The following LRRTM4 variants were observed in gnomAD, a reference collection of about 807,000 sequenced individuals.
LRRTM4 encodes the protein leucine rich repeat transmembrane neuronal 4, also known as leucine-rich repeat transmembrane neuronal protein 4.
In LRRTM4, 25 loss-of-function variants were observed where a neutral mutation model predicts 47.6. The ratio of observed to expected loss-of-function variants is 0.53; its 90% CI spans 0.38 to 0.73. The LOEUF (loss-of-function observed/expected upper bound fraction) is 0.73. LRRTM4 is among the 30% of genes least tolerant of loss of function. The pLI is 0.00. For synonymous variants in LRRTM4, 311 were observed against 269.5 expected (o/e 1.15, Z -1.51); for missense variants, 638 against 713.4 (o/e 0.89, Z 1.20).
intron 3 of LRRTM4, among the ~76,000 whole-genome samples, chr2:76,903,643 G>C (rs976007056): frequency 1.3e-5 from 2 of 152,152 alleles, no homozygotes; most frequent in Non-Finnish European, 2.9e-5. Flanking sequence ...TTATTATCTA[G>C]AGAAATTAGG....
At chr2:77,272,422 A>AAAGCAGCATC (rs1676224962) in intron 3 of LRRTM4, among the ~76,000 whole-genome samples, 1 of 152,208 alleles carries the variant, frequency 6.6e-6, no homozygotes, top group African/African-American at 2.4e-5. Flanking sequence ...GGGAGAAGGG[A>AAAGCAGCATC]AAGCAGCATC....
chr2:77,317,458 A>G (rs1041797944), intron 3 of LRRTM4, among the ~76,000 whole-genome samples: 5 of 152,166 alleles, frequency 3.3e-5, no homozygotes, highest in African/African-American at 7.2e-5. Flanking sequence ...CTTTATTCCT[A>G]TGAACTTTCA....
intron 3 of LRRTM4, among the ~76,000 whole-genome samples, chr2:76,765,382 A>G (rs1432751129): frequency 6.6e-6 from 1 of 152,190 alleles, no homozygotes. Flanking sequence ...CTTGGATGAA[A>G]TAAATTTATT....
At chr2:76,958,067 A>G (rs959920021) in intron 3 of LRRTM4, among the ~76,000 whole-genome samples, 1 of 151,762 alleles carries the variant, frequency 6.6e-6, no homozygotes, top group Admixed American at 6.6e-5. Context: ...AACACTTGAC[A>G]TGAATCACAT....
chr2:77,133,656 C>T (rs528655149), intron 3 of LRRTM4, among the ~76,000 whole-genome samples: 13 of 152,172 alleles, frequency 8.5e-5, no homozygotes, highest in Admixed American at 5.2e-4. Flanking sequence ...AATTATATTT[C>T]GATGTTGGAT....
intron 3 of LRRTM4, among the ~76,000 whole-genome samples, chr2:77,315,670 G>A (rs1164865312): frequency 1.3e-5 from 2 of 151,972 alleles, no homozygotes; most frequent in Non-Finnish European, 2.9e-5. Flanking sequence ...GGTTGGGGGT[G>A]GTAAGAGCAA....
At chr2:77,045,086 G>A (rs551928806) in intron 3 of LRRTM4, among the ~76,000 whole-genome samples, 14 of 151,850 alleles carry the variant, frequency 9.2e-5, no homozygotes, top group Non-Finnish European at 1.9e-4. Flanking sequence ...AGGTAATATG[G>A]TATTTTTAGC....
intron 3 of LRRTM4, among the ~76,000 whole-genome samples, chr2:77,399,704 C>A (rs908800004): frequency 1.3e-5 from 2 of 151,868 alleles, no homozygotes; most frequent in Non-Finnish European, 2.9e-5. Flanking sequence ...CAGGAGGAAT[C>A]AAACACCTAA....
intron 3 of LRRTM4, among the ~76,000 whole-genome samples, chr2:76,919,891 T>C (rs1345512467): frequency 6.6e-6 from 1 of 152,186 alleles, no homozygotes; most frequent in Non-Finnish European, 1.5e-5. Context: ...TCTCCAACTT[T>C]AAACAGATGC....
intron 3 of LRRTM4, among the ~76,000 whole-genome samples, chr2:77,148,121 A>T (rs544423869): frequency 6.6e-6 from 1 of 152,192 alleles, no homozygotes; most frequent in South Asian, 2.1e-4. Flanking sequence ...CCCAACTCAT[A>T]CCCTCCTCTC....
intron 3 of LRRTM4, among the ~76,000 whole-genome samples, chr2:77,276,955 A>T (rs1032058809): frequency 6.6e-6 from 1 of 151,738 alleles, no homozygotes; most frequent in East Asian, 1.9e-4. Context: ...TAAGTGTATT[A>T]GCTGCCTTAT....
intron 3 of LRRTM4, among the ~76,000 whole-genome samples, chr2:77,151,613 T>G (rs1268586079): frequency 6.6e-6 from 1 of 152,208 alleles, no homozygotes; most frequent in African/African-American, 2.4e-5. Flanking sequence ...AGGAAAATCC[T>G]GCTGTTTGCG....
chr2:77,198,167 G>A (rs563575754), intron 3 of LRRTM4, among the ~76,000 whole-genome samples: 2 of 152,276 alleles, frequency 1.3e-5, no homozygotes, highest in African/African-American at 4.8e-5. Context: ...GACCTTGGGC[G>A]ACTGAGGTTT....
At chr2:76,963,375 G>A (rs1675924107) in intron 3 of LRRTM4, among the ~76,000 whole-genome samples, 1 of 150,676 alleles carries the variant, frequency 6.6e-6, no homozygotes, top group Admixed American at 6.6e-5. Context: ...TTAGAAAAAA[G>A]TAAAGGAAAA....
chr2:77,148,620 A>G (rs1458729047), intron 3 of LRRTM4, among the ~76,000 whole-genome samples: 1 of 152,172 alleles, frequency 6.6e-6, no homozygotes, highest in Non-Finnish European at 1.5e-5. Context: ...ATGCCAGAGA[A>G]CAGGAGGGGA....
chr2:77,188,591 TCATCCACACCCAAATATGATC>T (rs1205205918), intron 3 of LRRTM4, among the ~76,000 whole-genome samples: 1 of 152,196 alleles, frequency 6.6e-6, no homozygotes, highest in African/African-American at 2.4e-5. Context: ...TTTAGATGCT[TCATCCACACCCAAATATGATC>T]CATCCACACT....
At chr2:76,901,031 ATTGT>A (rs1413854594) in intron 3 of LRRTM4, among the ~76,000 whole-genome samples, 1 of 151,984 alleles carries the variant, frequency 6.6e-6, no homozygotes, top group Non-Finnish European at 1.5e-5. Flanking sequence ...AATGAGAAAA[ATTGT>A]TTTTTTAATT....
At chr2:76,946,693 A>G (rs1482535181) in intron 3 of LRRTM4, among the ~76,000 whole-genome samples, 1 of 151,854 alleles carries the variant, frequency 6.6e-6, no homozygotes, top group Non-Finnish European at 1.5e-5. Context: ...CAGTTTCCAC[A>G]ACATTGTAGA....
chr2:77,095,980 A>G (rs1195661421), intron 3 of LRRTM4, among the ~76,000 whole-genome samples: 1 of 152,076 alleles, frequency 6.6e-6, no homozygotes. Flanking sequence ...AGTTAATAAT[A>G]ATGTATTCTA....
Sources: allele counts gnomAD v4.1 joint callset (sites outside exome capture counted in the v4.1 genomes callset), GRCh38; gene constraint gnomAD v4.1.1; transcripts MANE v1.5; gene names NCBI Gene and HGNC (gene_info 2026-07-23, HGNC 2026-07-21).